Variants in CSNK1G1 observed in about 807,000 individuals in gnomAD.
The protein encoded by CSNK1G1 is casein kinase 1 gamma 1, also known as casein kinase I isoform gamma-1.
Under a neutral mutation model 59.6 loss-of-function variants are expected in CSNK1G1, and 22 were observed. That is an observed-to-expected ratio of 0.37 (90% confidence interval 0.26 to 0.53). The LOEUF (loss-of-function observed/expected upper bound fraction) is 0.53, where lower values mean the gene tolerates loss of function less well. Ranked by LOEUF, CSNK1G1 falls within the 20% of genes least tolerant of loss-of-function variation. The pLI, the probability that CSNK1G1 is intolerant of heterozygous loss-of-function variation, is 0.89. For missense variants in CSNK1G1, 384 were observed against 519.5 expected (o/e 0.74, Z 2.54); for synonymous variants, 179 against 177.1 (o/e 1.01, Z -0.08).
chr15:64,343,431 C>A (rs1897784559), intron 1 of CSNK1G1, among the ~76,000 whole-genome samples: 1 of 152,122 alleles, frequency 6.6e-6, no homozygotes, highest in South Asian at 2.1e-4. Context: ...ACACTGCCTG[C>A]ACATTACAAA....
intron 2 of CSNK1G1, among the ~76,000 whole-genome samples, chr15:64,265,381 G>C (rs1458782962): frequency 1.3e-5 from 2 of 152,092 alleles, no homozygotes; most frequent in Admixed American, 1.3e-4. Flanking sequence ...ATCATGGGGT[G>C]GGTTTTTCAC....
At chr15:64,351,032 TAC>T (rs1259353451) in intron 1 of CSNK1G1, among the ~76,000 whole-genome samples, 5 of 151,944 alleles carry the variant, frequency 3.3e-5, no homozygotes, top group Non-Finnish European at 7.4e-5. Flanking sequence ...TTCCGGAAAA[TAC>T]ACTTATCTAA....
At chr15:64,186,652 G>C (rs2081900047) in intron 10 of CSNK1G1, among the ~76,000 whole-genome samples, 1 of 151,938 alleles carries the variant, frequency 6.6e-6, no homozygotes, top group South Asian at 2.1e-4. Context: ...CAGGACTATA[G>C]GCACATAGCA....
At chr15:64,343,697 A>T (rs1897797461) in intron 1 of CSNK1G1, among the ~76,000 whole-genome samples, 1 of 151,594 alleles carries the variant, frequency 6.6e-6, no homozygotes, top group Non-Finnish European at 1.5e-5. Context: ...TTTCATTTTA[A>T]GTCTTGTTTC....
At chr15:64,257,255 G>A in intron 3 of CSNK1G1, among the ~76,000 whole-genome samples, 1 of 152,146 alleles carries the variant, frequency 6.6e-6, no homozygotes, top group Admixed American at 6.5e-5. Context: ...AATATGTTAT[G>A]TAAGCTTATC....
At chr15:64,242,686 A>C (rs2140307031) in intron 4 of CSNK1G1, among the ~76,000 whole-genome samples, 1 of 152,340 alleles carries the variant, frequency 6.6e-6, no homozygotes, top group Middle Eastern at 3.4e-3. Flanking sequence ...AATTCTTCTA[A>C]AACATTAGAA....
rs2081651555 is a variant in CSNK1G1, at chr15:64,170,493, A to T, written c.*1438T>A. On this transcript the variant is annotated 3_prime_UTR_variant, in exon 12 of 12. Transcript: ENST00000303052. ...CCTACTGCTATGGACCTGCTGGGAG[A>T]AGATCTTCATAAGCTTGGTTTCTGA... The T allele has an allele frequency of 6.6e-6, 1 of 152,594 alleles. No homozygotes were observed. Among genetic ancestry groups the T allele is most frequent in the Non-Finnish European group, 1.5e-5 (1 of 68,054 alleles). 9.5% of individuals were successfully genotyped at this position (152,594 alleles called of 1,614,324 possible). A position where few individuals can be genotyped will look rare whatever the true frequency, so the allele number is the denominator to read the frequency against.
At chr15:64,333,459 A>AAAAAG (rs1897225296) in intron 1 of CSNK1G1, among the ~76,000 whole-genome samples, 38 of 145,190 alleles carry the variant, frequency 2.6e-4, no homozygotes, top group Non-Finnish European at 4.1e-4. Flanking sequence ...AAAAAAAAAA[A>AAAAAG]GGTCAATATG....
intron 8 of CSNK1G1, 63 bp downstream of exon 8, chr15:64,204,802 C>A: frequency 8.3e-7 from 1 of 1,204,632 alleles, no homozygotes; most frequent in Non-Finnish European, 1.2e-6. Flanking sequence ...TAGAGATACC[C>A]AGTCATGGAC....
At chr15:64,275,682 C>T (rs1301826750) in intron 2 of CSNK1G1, among the ~76,000 whole-genome samples, 3 of 151,838 alleles carry the variant, frequency 2.0e-5, no homozygotes, top group Non-Finnish European at 4.4e-5. Context: ...GAACATGATC[C>T]ATTAGTGGGA....
intron 6 of CSNK1G1, among the ~76,000 whole-genome samples, chr15:64,209,274 T>G (rs1307274748): frequency 6.6e-6 from 1 of 152,216 alleles, no homozygotes; most frequent in Non-Finnish European, 1.5e-5. Context: ...ACTAAGAGGC[T>G]ACCTTCAACT....
chr15:64,229,018 CAAAAAA>C (rs1218085247), intron 4 of CSNK1G1, among the ~76,000 whole-genome samples: 10 of 65,908 alleles, frequency 1.5e-4, no homozygotes, highest in African/African-American at 4.6e-4. Context: ...GACTCTGTCT[CAAAAAA>C]AAAAAAAAAA....
Position 64,216,796 on chromosome 15 carries a change from A to G in CSNK1G1, c.293-83T>C. The G allele has an allele frequency of 8.0e-7, 1 of 1,257,020 alleles. No homozygotes were observed. The highest frequency in any genetic ancestry group is 2.4e-5 in the East Asian group (1 of 41,476). 77.9% of individuals were successfully genotyped at this position (1,257,020 alleles called of 1,614,324 possible). On this transcript the variant is annotated intron_variant, in intron 4 of 11. Coordinates refer to ENST00000303052, the MANE Select transcript of CSNK1G1 (RefSeq NM_022048.5). The surrounding 1 kb of genome is among the most constrained non-coding windows in gnomAD (Gnocchi z 4.6). ...GATAACAGTATTAGCACTGAATAAA[A>G]TATTTTTAAAAGTACAATTTGTGAG...
chr15:64,205,730 C>T (rs1356557886), intron 7 of CSNK1G1, among the ~76,000 whole-genome samples: 3 of 152,136 alleles, frequency 2.0e-5, no homozygotes, highest in Admixed American at 6.5e-5. Flanking sequence ...TAATAATACA[C>T]TAATGCATTG....
intron 3 of CSNK1G1, among the ~76,000 whole-genome samples, chr15:64,255,626 T>C (rs1455303639): frequency 6.6e-6 from 1 of 152,232 alleles, no homozygotes; most frequent in Non-Finnish European, 1.5e-5. Context: ...TTTCCTAGAC[T>C]TTCTTTTCTT....
intron 10 of CSNK1G1, among the ~76,000 whole-genome samples, chr15:64,182,772 A>G (rs2081836592): frequency 6.6e-6 from 1 of 152,220 alleles, no homozygotes; most frequent in Non-Finnish European, 1.5e-5. Context: ...TTCGTTCAGC[A>G]AGGTTAAAGA....
At chr15:64,241,394 C>T (rs2082691809) in intron 4 of CSNK1G1, among the ~76,000 whole-genome samples, 1 of 152,052 alleles carries the variant, frequency 6.6e-6, no homozygotes, top group Admixed American at 6.6e-5. Flanking sequence ...AGATAGATTC[C>T]AGTACGATAA....
At chr15:64,208,175 A>C (rs926055405) in intron 6 of CSNK1G1, among the ~76,000 whole-genome samples, 2 of 152,184 alleles carry the variant, frequency 1.3e-5, no homozygotes, top group African/African-American at 4.8e-5. Flanking sequence ...CTATAACCTC[A>C]AAAACATTTT....
At chr15:64,181,473 A>G in intron 10 of CSNK1G1, 1 of 1,471,690 alleles carries the variant, frequency 6.8e-7, no homozygotes, top group Non-Finnish European at 9.0e-7. Flanking sequence ...AACAATTTGG[A>G]TATCATATGC....
Sources: gnomAD v4.1 joint callset for allele counts (sites outside exome capture counted in the v4.1 genomes callset) on GRCh38, gnomAD v4.1.1 for gene constraint, Gnocchi (gnomAD v3.1) non-coding constraint, MANE v1.5 for transcripts, NCBI Gene and HGNC (gene_info 2026-07-23, HGNC 2026-07-21) for gene names.